The following CTNNA3 variants were observed in gnomAD, a reference collection of about 807,000 sequenced individuals.
CTNNA3 encodes the protein catenin alpha 3, also known as catenin alpha-3.
Under a neutral mutation model 95.7 loss-of-function variants are expected in CTNNA3, and 76 were observed. That is an observed-to-expected ratio of 0.79 (90% CI 0.66 to 0.96). The LOEUF is 0.96. Ranked by LOEUF, CTNNA3 falls within the 40% of genes least tolerant of loss-of-function variation. CTNNA3 has a pLI of 0.00. For synonymous variants in CTNNA3, 431 were observed against 374.4 expected (o/e 1.15, Z -1.74); for missense variants, 1,191 against 1,089.8 (o/e 1.09, Z -1.31).
intron 7 of CTNNA3, among the ~76,000 whole-genome samples, chr10:66,832,635 A>C (rs1037646458): frequency 5.3e-5 from 8 of 152,172 alleles, no homozygotes; most frequent in African/African-American, 1.9e-4. Context: ...ATTTTCAAAA[A>C]AAAAAAAGGA....
chr10:67,220,985 C>CA (rs2132268784), intron 5 of CTNNA3, among the ~76,000 whole-genome samples: 1 of 152,166 alleles, frequency 6.6e-6, no homozygotes, highest in East Asian at 1.9e-4. Flanking sequence ...GGCAGTATTC[C>CA]TCAAGACCAT....
intron 1 of CTNNA3, among the ~76,000 whole-genome samples, chr10:67,741,755 G>T (rs529215348): frequency 1.3e-5 from 2 of 151,144 alleles, no homozygotes; most frequent in Non-Finnish European, 3.0e-5. Flanking sequence ...CTGCATTCAG[G>T]AAACCCATTT....
At chr10:66,807,849 A>G (rs1841718006) in intron 7 of CTNNA3, among the ~76,000 whole-genome samples, 2 of 152,124 alleles carry the variant, frequency 1.3e-5, no homozygotes, top group African/African-American at 2.4e-5. Context: ...TTTTTTAATA[A>G]GAGCTATATA....
intron 1 of CTNNA3, among the ~76,000 whole-genome samples, chr10:67,763,327 AAGTCT>A: frequency 6.6e-6 from 1 of 152,168 alleles, no homozygotes. Flanking sequence ...TTATCCTTAC[AAGTCT>A]CAAATATTCT....
chr10:67,273,900 T>C (rs995155267), intron 5 of CTNNA3, among the ~76,000 whole-genome samples: 20 of 152,282 alleles, frequency 1.3e-4, no homozygotes, highest in African/African-American at 4.8e-4. Context: ...ATAGTGGTTG[T>C]CTAGTGTGGG....
intron 11 of CTNNA3, among the ~76,000 whole-genome samples, chr10:66,453,834 TA>T (rs2093479567): frequency 6.6e-6 from 1 of 152,172 alleles, no homozygotes; most frequent in African/African-American, 2.4e-5. Flanking sequence ...AATATAATAT[TA>T]AATACCTGTA....
intron 9 of CTNNA3, among the ~76,000 whole-genome samples, chr10:66,745,310 C>A (rs183774189): frequency 2.0e-5 from 3 of 152,280 alleles, no homozygotes; most frequent in Admixed American, 2.0e-4. Flanking sequence ...TTTAGTTATT[C>A]TGTGATTGGC....
At chr10:66,638,617 T>A (rs1589052168) in intron 9 of CTNNA3, among the ~76,000 whole-genome samples, 2 of 152,174 alleles carry the variant, frequency 1.3e-5, no homozygotes, top group South Asian at 4.2e-4. Context: ...ATCTTCCACA[T>A]CCTCTTTTTT....
chr10:67,229,244 A>C (rs933513225), intron 5 of CTNNA3, among the ~76,000 whole-genome samples: 2 of 152,238 alleles, frequency 1.3e-5, no homozygotes, highest in African/African-American at 4.8e-5. Context: ...TAGATGCAGA[A>C]AAAGCATTTG....
chr10:66,182,629 A>G (rs2086113382), intron 13 of CTNNA3, among the ~76,000 whole-genome samples: 1 of 152,018 alleles, frequency 6.6e-6, no homozygotes, highest in Non-Finnish European at 1.5e-5. Flanking sequence ...ATGTACTTCA[A>G]AATACGGCAT....
At chr10:66,388,318 T>C (rs1434873835) in intron 11 of CTNNA3, among the ~76,000 whole-genome samples, 1 of 152,156 alleles carries the variant, frequency 6.6e-6, no homozygotes, top group African/African-American at 2.4e-5. Context: ...ATACACTATG[T>C]AATTTCTCTT....
In CTNNA3 at chr10:67,726,589, A is replaced by AATAT. The variant is rs1243107663; in HGVS notation, c.-2+36841_-2+36844dup. On this transcript the variant is annotated intron_variant, in intron 1 of 17. Transcript: ENST00000684154. Reference sequence around the variant, plus strand: ...ATATATTACATATTATATAATATGTAATATTATATTACATATTATATAATA... The same window carrying AATAT: ...ATATATTACATATTATATAATATGTAATATATATTATATTACATATTATATAATA... Among the ~76,000 whole-genome samples the AATAT allele has an allele frequency of 3.0e-3, 202 of 66,862 alleles. 1 individual carries two copies. The highest frequency in any genetic ancestry group is 0.015 in the African/African-American group (185 of 12,436). The allele number at this position is 66,862 out of a possible 152,430, so 43.9% of individuals were successfully genotyped here.
chr10:66,484,363 C>A (rs1839651023), intron 11 of CTNNA3, among the ~76,000 whole-genome samples: 1 of 151,294 alleles, frequency 6.6e-6, no homozygotes, highest in Non-Finnish European at 1.5e-5. Flanking sequence ...TTAAAAATAG[C>A]CAAAGAGGAT....
At chr10:67,411,059 G>T (rs1845347751) in intron 5 of CTNNA3, among the ~76,000 whole-genome samples, 1 of 152,048 alleles carries the variant, frequency 6.6e-6, no homozygotes, top group African/African-American at 2.4e-5. Context: ...TGAGGAGATG[G>T]GTTACCCAGA....
At chr10:67,112,886 A>T (rs1211168125) in intron 7 of CTNNA3, among the ~76,000 whole-genome samples, 1 of 152,142 alleles carries the variant, frequency 6.6e-6, no homozygotes, top group African/African-American at 2.4e-5. Flanking sequence ...TTTTTAAAAA[A>T]AAACATGTGA....
intron 5 of CTNNA3, among the ~76,000 whole-genome samples, chr10:67,483,858 C>T (rs1031544912): frequency 4.6e-5 from 7 of 151,404 alleles, no homozygotes; most frequent in Admixed American, 2.0e-4. Context: ...ATTCCATGCT[C>T]ATGGATAGGA....
At chr10:66,723,657 A>G (rs772247783) in intron 9 of CTNNA3, among the ~76,000 whole-genome samples, 16 of 152,230 alleles carry the variant, frequency 1.1e-4, no homozygotes, top group Non-Finnish European at 2.2e-4. Flanking sequence ...AGAAAACAAC[A>G]GCATCAGTTA....
intron 10 of CTNNA3, among the ~76,000 whole-genome samples, chr10:66,535,840 T>C (rs747411904): frequency 2.7e-4 from 41 of 152,228 alleles, no homozygotes; most frequent in Non-Finnish European, 4.1e-4. Flanking sequence ...ATGTGAGAGA[T>C]AAGAATTATG....
At chr10:65,988,191 A>C (rs1214402813) in intron 16 of CTNNA3, among the ~76,000 whole-genome samples, 13 of 152,186 alleles carry the variant, frequency 8.5e-5, no homozygotes, top group Admixed American at 8.5e-4. Context: ...GAATGTGTTC[A>C]AAACAAAGAA....
Sources: allele counts gnomAD v4.1 joint callset (sites outside exome capture counted in the v4.1 genomes callset), GRCh38; gene constraint gnomAD v4.1.1; transcripts MANE v1.5; gene names NCBI Gene and HGNC (gene_info 2026-07-23, HGNC 2026-07-21).